The following FCRL2 variants were observed in gnomAD, a reference collection of about 807,000 sequenced individuals.
The protein encoded by FCRL2 is Fc receptor-like protein 2.
In FCRL2, 48 loss-of-function variants were observed where a neutral mutation model predicts 59.8. That is an observed-to-expected ratio of 0.80 (90% confidence interval 0.64 to 1.02). The LOEUF is 1.02. FCRL2 is among the 50% of genes least tolerant of loss of function. FCRL2 has a pLI of 0.00. For synonymous variants in FCRL2, 251 were observed against 229.5 expected (o/e 1.09, Z -0.85); for missense variants, 658 against 597.3 (o/e 1.10, Z -1.06).
intron 2 of FCRL2, 138 bp downstream of exon 2, chr1:157,775,637 C>T: frequency 2.3e-6 from 2 of 871,746 alleles, no homozygotes; most frequent in South Asian, 2.1e-5. Context: ...GCTGCGTGAC[C>T]TCAGAACATG....
At chr1:157,757,347 G>A (rs1163023995) in intron 7 of FCRL2, among the ~76,000 whole-genome samples, 1 of 152,150 alleles carries the variant, frequency 6.6e-6, no homozygotes, top group Non-Finnish European at 1.5e-5. Context: ...AGATCATAAG[G>A]GTGGAGCCCT....
At chr1:157,775,111 G>A (rs567671165) in intron 2 of FCRL2, among the ~76,000 whole-genome samples, 6 of 152,122 alleles carry the variant, frequency 3.9e-5, no homozygotes, top group African/African-American at 4.8e-5. Flanking sequence ...TCTAGAGCAC[G>A]GGTTGGCAAA....
At chr1:157,768,283 C>A in intron 5 of FCRL2, 131 bp downstream of exon 5, 1 of 868,612 alleles carries the variant, frequency 1.2e-6, no homozygotes, top group African/African-American at 1.7e-5. Context: ...GCAAGCGTAA[C>A]CCATTTTCAA....
chr1:157,755,937 G>C (rs1283608745), intron 7 of FCRL2, among the ~76,000 whole-genome samples: 2 of 152,068 alleles, frequency 1.3e-5, no homozygotes, highest in Non-Finnish European at 2.9e-5. Context: ...ACTTTTTACT[G>C]TCATATTCTT....
intron 7 of FCRL2, among the ~76,000 whole-genome samples, chr1:157,756,056 ATAGTTTATTT>A (rs908206791): frequency 6.6e-5 from 10 of 152,362 alleles, no homozygotes; most frequent in Middle Eastern, 6.8e-3. Flanking sequence ...GACTATGTTA[ATAGTTTATTT>A]TAGTTTATTT....
Position 157,767,673 on chromosome 1 carries a change from ATTTAGACGT to A in FCRL2, c.884-173_884-165del, listed in dbSNP as rs764723129. 1.0e-5 allele frequency: 16 copies of A among 1,585,348 alleles called. No homozygotes were observed. In the South Asian group the frequency reaches 1.5e-4, roughly 15 times the overall value. On this transcript the variant is annotated intron_variant, in intron 5 of 11. Coordinates refer to ENST00000361516, the MANE Select transcript of FCRL2 (RefSeq NM_030764.4). ...TTAGAGATAATTTTCTCAACAATATATTTAGACGTTTGAGGGGAATATCAGTTCTGGGTG... is the reference window on the plus strand; with the variant it reads ...TTAGAGATAATTTTCTCAACAATATATTGAGGGGAATATCAGTTCTGGGTG...
Position 157,746,445 on chromosome 1 carries a change from C to A in FCRL2, c.*291G>T. ...AGTAGATGAAGGTGAGACCTTGTAT[C>A]TCTTATTCATTCTTCCCTCAAATCT... On this transcript the variant is annotated 3_prime_UTR_variant, in exon 12 of 12. Transcript: ENST00000361516. The A allele has an allele frequency of 2.0e-6, 1 of 491,934 alleles. No homozygotes were observed. The allele number at this position is 491,934 out of a possible 1,614,324, so 30.5% of individuals were successfully genotyped here.
intron 7 of FCRL2, among the ~76,000 whole-genome samples, chr1:157,751,598 G>T (rs1334092320): frequency 1.3e-5 from 2 of 152,190 alleles, no homozygotes; most frequent in East Asian, 1.9e-4. Flanking sequence ...TGGGTGCAAT[G>T]GTGTGCAAGT....
Position 157,768,756 on chromosome 1 carries a change from G to A in FCRL2, c.596-55C>T. ...CTCTAAGGGAAACTCTGGGAACAGG[G>A]TTTGACTGATTCCATTCTCTAATGC... On this transcript the variant is annotated intron_variant, in intron 4 of 11. Transcript: ENST00000361516. 3 of 1,497,266 alleles carry A rather than the reference G, an allele frequency of 2.0e-6. No homozygotes were observed. In the South Asian group the frequency reaches 3.9e-5, roughly 20 times the overall value. 92.7% of individuals were successfully genotyped at this position (1,497,266 alleles called of 1,614,324 possible).
rs1198649166 is a variant in FCRL2, at chr1:157,770,523, C to T, written c.196G>A (p.Asp66Asn). The T allele has an allele frequency of 6.2e-7, 1 of 1,614,214 alleles. No individual in the cohort carries two copies. Among genetic ancestry groups the T allele is most frequent in the Admixed American group, 1.7e-5 (1 of 60,030 alleles). ...KELSVFKKFS[D>N]FLIQSAVLSD... ...AAAACTGCACTTTGGATAAGGAAAT[C>T]TGAGAATTTTTTGAAAACAGATAAC... Residue 66 changes from aspartate to asparagine, a missense_variant, in exon 3 of 12, where the codon GAT becomes AAT. Transcript: ENST00000361516.
At position 157,768,399 on chromosome 1, in the gene FCRL2, G is replaced by T; in HGVS notation, c.883+15C>A. 6.2e-7 allele frequency: 1 copy of T among 1,608,142 alleles called. No individual in the cohort carries two copies. Among genetic ancestry groups the T allele is most frequent in the South Asian group, 1.1e-5 (1 of 90,328 alleles). On this transcript the variant is annotated intron_variant, in intron 5 of 11. Coordinates refer to ENST00000361516, the MANE Select transcript of FCRL2 (RefSeq NM_030764.4). Reference sequence around the variant, plus strand: ...CTGGGAATTTCTGGAAGATATGAATGAGAGTGTCACTCACTTCTCACAGGG... The same window carrying T: ...CTGGGAATTTCTGGAAGATATGAATTAGAGTGTCACTCACTTCTCACAGGG...
At chr1:157,761,875 C>A (rs1376844881) in intron 7 of FCRL2, among the ~76,000 whole-genome samples, 1 of 152,162 alleles carries the variant, frequency 6.6e-6, no homozygotes, top group Non-Finnish European at 1.5e-5. Flanking sequence ...AGGTAGATGT[C>A]TTCAAACTTC....
intron 10 of FCRL2, among the ~76,000 whole-genome samples, chr1:157,748,097 T>C (rs991739182): frequency 3.9e-5 from 6 of 152,100 alleles, no homozygotes; most frequent in Admixed American, 1.3e-4. Context: ...TCAACAGATT[T>C]CCTATCAAGG....
At chr1:157,759,068 A>G (rs890450324) in intron 7 of FCRL2, among the ~76,000 whole-genome samples, 4 of 152,152 alleles carry the variant, frequency 2.6e-5, no homozygotes, top group African/African-American at 9.7e-5. Context: ...GGTGGGAGGT[A>G]ATTGAATCAT....
At chr1:157,772,604 C>T (rs1265510612) in intron 2 of FCRL2, among the ~76,000 whole-genome samples, 1 of 152,110 alleles carries the variant, frequency 6.6e-6, no homozygotes, top group East Asian at 1.9e-4. Flanking sequence ...GTTCTCACAA[C>T]GTTTAACCTA....
chr1:157,754,278 A>G (rs1232834186), intron 7 of FCRL2, among the ~76,000 whole-genome samples: 1 of 152,176 alleles, frequency 6.6e-6, no homozygotes, highest in Non-Finnish European at 1.5e-5. Context: ...CACCAAAACC[A>G]AGATAGAAAC....
intron 7 of FCRL2, among the ~76,000 whole-genome samples, chr1:157,763,395 G>T (rs1649251205): frequency 6.6e-6 from 1 of 151,860 alleles, no homozygotes; most frequent in Non-Finnish European, 1.5e-5. Flanking sequence ...CATGGTGGCG[G>T]GTGCCTGTAA....
intron 2 of FCRL2, among the ~76,000 whole-genome samples, chr1:157,771,760 A>G (rs935577626): frequency 5.3e-5 from 8 of 152,180 alleles, no homozygotes; most frequent in Non-Finnish European, 8.8e-5. Flanking sequence ...TTCTGACCAC[A>G]AAGTAAGGAA....
At chr1:157,756,152 A>T (rs891789131) in intron 7 of FCRL2, among the ~76,000 whole-genome samples, 4 of 152,358 alleles carry the variant, frequency 2.6e-5, no homozygotes, top group Non-Finnish European at 5.9e-5. Context: ...TTCATTAGGC[A>T]ACAGCCACTG....
Sources: gnomAD v4.1 joint callset for allele counts (sites outside exome capture counted in the v4.1 genomes callset) on GRCh38, gnomAD v4.1.1 for gene constraint, MANE v1.5 for transcripts, NCBI Gene and HGNC (gene_info 2026-07-23, HGNC 2026-07-21) for gene names.